The following SOS2 variants were observed in gnomAD, a reference collection of about 807,000 sequenced individuals.
SOS2 encodes son of sevenless homolog 2.
Under a neutral mutation model 148.2 loss-of-function variants are expected in SOS2, and 65 were observed. That is an observed-to-expected ratio of 0.44 (90% CI 0.36 to 0.54). The LOEUF (loss-of-function observed/expected upper bound fraction) is 0.54, where lower values mean the gene tolerates loss of function less well. SOS2 is among the 20% of genes least tolerant of loss of function. The probability of loss-of-function intolerance (pLI) is 0.00; values close to 1 mark genes in which losing one functional copy is unlikely to be tolerated. For missense variants in SOS2, 1,341 were observed against 1,590.2 expected (o/e 0.84, Z 2.67); for synonymous variants, 539 against 537.1 (o/e 1.00, Z -0.05).
At chr14:50,180,739 T>A in intron 6 of SOS2, 57 bp from the exon 7 acceptor site, 1 of 961,682 alleles carries the variant, frequency 1.0e-6, no homozygotes, top group Non-Finnish European at 1.6e-6. Context: ...TTTCTACCAA[T>A]ATGGTACAGA....
chr14:50,174,621 C>T lies in SOS2; in HGVS notation c.970-69G>A, dbSNP rs1395225992. ...AAGGATATGCAACAGCAGTGCCTAA[C>T]AGAAACGTCTACTAAAAATTTGAGA... On this transcript the variant is annotated intron_variant, in intron 7 of 22. Coordinates refer to ENST00000216373, the MANE Select transcript of SOS2 (RefSeq NM_006939.4). 29 of 810,850 alleles carry T rather than the reference C, an allele frequency of 3.6e-5. No individual in the cohort carries two copies. In the East Asian group the frequency reaches 7.3e-4, roughly 21 times the overall value. The allele number at this position is 810,850 out of a possible 1,614,324, so 50.2% of individuals were successfully genotyped here.
At chr14:50,211,323 A>G (rs1158114850) in intron 1 of SOS2, among the ~76,000 whole-genome samples, 2 of 152,120 alleles carry the variant, frequency 1.3e-5, no homozygotes, top group East Asian at 3.8e-4. Flanking sequence ...TGGCTATGAT[A>G]ATTTTCGTTT....
chr14:50,176,083 G>C (rs1383363751), intron 7 of SOS2, among the ~76,000 whole-genome samples: 2 of 152,304 alleles, frequency 1.3e-5, no homozygotes, highest in East Asian at 3.9e-4. Flanking sequence ...TTGGATATGA[G>C]GGCAGAGCCC....
At chr14:50,149,772 G>A (rs1884603683) in intron 14 of SOS2, among the ~76,000 whole-genome samples, 1 of 152,112 alleles carries the variant, frequency 6.6e-6, no homozygotes, top group African/African-American at 2.4e-5. Flanking sequence ...AGGGGTGGTG[G>A]ACTTGAAAAT....
intron 5 of SOS2, among the ~76,000 whole-genome samples, chr14:50,185,824 G>C (rs1394009064): frequency 6.6e-6 from 1 of 152,004 alleles, no homozygotes; most frequent in Non-Finnish European, 1.5e-5. Context: ...TTATATTCTA[G>C]GCACTCTTCT....
chr14:50,155,943 T>C (rs1884800088), intron 12 of SOS2: 1 of 152,164 alleles, frequency 6.6e-6, no homozygotes, highest in Non-Finnish European at 1.5e-5. Context: ...TCTCATCTTC[T>C]TATACAAAGA....
chr14:50,208,708 G>A (rs1486948702), intron 1 of SOS2, among the ~76,000 whole-genome samples: 1 of 152,094 alleles, frequency 6.6e-6, no homozygotes, highest in African/African-American at 2.4e-5. Context: ...AGTAAGACAA[G>A]ACACTGACAG....
At chr14:50,167,321 A>T (rs1885200450) in intron 8 of SOS2, among the ~76,000 whole-genome samples, 1 of 151,976 alleles carries the variant, frequency 6.6e-6, no homozygotes, top group Non-Finnish European at 1.5e-5. Context: ...ACACAAAAAG[A>T]ATGACAAAGC....
rs1319274502 is a variant in SOS2 at position 50,160,011 on chromosome 14, C to A, written c.1272G>T (p.Gln424His). 1 of 1,614,048 alleles carries A rather than the reference C, an allele frequency of 6.2e-7. No homozygotes were observed. Among genetic ancestry groups the A allele is most frequent in the Non-Finnish European group, 8.5e-7 (1 of 1,179,960 alleles). ...TGCCTTCCCATCCATCGATATTTTTCTGAATTTCATTCATTTTTTTGATAG... is the reference window on the plus strand; with the variant it reads ...TGCCTTCCCATCCATCGATATTTTTATGAATTTCATTCATTTTTTTGATAG... ...HLAIKKMNEI[Q>H]KNIDGWEGKD... The change falls in exon 10 of 23, where the codon CAG becomes CAT. Residue 424 changes from glutamine to histidine, a missense_variant. Gln to His is a conservative substitution (Grantham distance 24). Around this residue, in one of 4 missense-constraint regions of SOS2, gnomAD observed 574 missense variants for 711.1 expected, o/e 0.81. Transcript: ENST00000216373.
In SOS2 at chr14:50,120,257, T is replaced by C. The variant is rs1471249154; in HGVS notation, c.3489+18A>G. The C allele has an allele frequency of 2.6e-6, 3 of 1,136,092 alleles. No individual in the cohort carries two copies. The African/African-American group carries it at 4.6e-5, about 18-fold the overall frequency. 70.4% of individuals were successfully genotyped at this position (1,136,092 alleles called of 1,614,324 possible). Reference sequence around the variant, plus strand: ...ATTCACAACTTTGAATAAGTTGGAGTAAAGTCCTGTTGATTACCTTGGAAT... The same window carrying C: ...ATTCACAACTTTGAATAAGTTGGAGCAAAGTCCTGTTGATTACCTTGGAAT... On this transcript the variant is annotated intron_variant, in intron 22 of 22. Transcript: ENST00000216373.
chr14:50,209,519 C>A (rs1052212569), intron 1 of SOS2, among the ~76,000 whole-genome samples: 5 of 152,078 alleles, frequency 3.3e-5, no homozygotes, highest in Non-Finnish European at 7.4e-5. Flanking sequence ...GTAATCCCAG[C>A]ACTTTGGGAA....
chr14:50,208,518 G>A (rs1886751116), intron 1 of SOS2, among the ~76,000 whole-genome samples: 1 of 151,896 alleles, frequency 6.6e-6, no homozygotes, highest in Non-Finnish European at 1.5e-5. Flanking sequence ...TGTGGTGGCA[G>A]GTGCCTGTAG....
At chr14:50,174,978 T>C (rs931835773) in intron 7 of SOS2, among the ~76,000 whole-genome samples, 3 of 152,220 alleles carry the variant, frequency 2.0e-5, no homozygotes, top group Admixed American at 1.3e-4. Context: ...TTGAATAACT[T>C]TCAGATTTAG....
At chr14:50,135,071 CAA>C (rs746540364) in intron 18 of SOS2, among the ~76,000 whole-genome samples, 10 of 57,512 alleles carry the variant, frequency 1.7e-4, no homozygotes, top group Non-Finnish European at 2.4e-4. Context: ...GAGACTGTCT[CAA>C]AAAAAAAAAA....
At position 50,188,537 on chromosome 14, in the gene SOS2, C is replaced by T. The variant is rs780580623; in HGVS notation, c.674G>A (p.Arg225Gln). 1.1e-4 allele frequency: 180 copies of T among 1,600,092 alleles called. No homozygotes were observed. The highest frequency in any genetic ancestry group is 1.4e-4 in the Non-Finnish European group (167 of 1,176,858). The change falls in exon 5 of 23, where the codon CGA becomes CAA. Residue 225 changes from arginine (R) to glutamine (Q), a missense_variant. Arg to Gln is a conservative substitution (Grantham distance 43). Coordinates refer to ENST00000216373, the MANE Select transcript of SOS2 (RefSeq NM_006939.4). Reference sequence around the variant, plus strand: ...CTTTCTATCAGAAAGAAAGGCTTCTCGAAACACTTTTATGATCATATTTAA... The same window carrying T: ...CTTTCTATCAGAAAGAAAGGCTTCTTGAAACACTTTTATGATCATATTTAA... Reference protein sequence around the residue: ...RELNMIIKVFREAFLSDRKLF... With the variant: ...RELNMIIKVFQEAFLSDRKLF...
chr14:50,189,694 C>T (rs1011919245), intron 4 of SOS2, among the ~76,000 whole-genome samples: 27 of 152,144 alleles, frequency 1.8e-4, no homozygotes, highest in African/African-American at 5.5e-4. Flanking sequence ...ACTGCTATTA[C>T]GTTCATTTGC....
intron 1 of SOS2, among the ~76,000 whole-genome samples, chr14:50,222,349 T>G (rs570517867): frequency 3.9e-5 from 6 of 152,288 alleles, no homozygotes; most frequent in Admixed American, 2.0e-4. Context: ...ATCAAGTAGA[T>G]TCAGTGATGA....
chr14:50,231,113 C>A, intron 1 of SOS2, 84 bp downstream of exon 1: 1 of 822,096 alleles, frequency 1.2e-6, no homozygotes, highest in Non-Finnish European at 1.7e-6. Context: ...GGGACTCGAG[C>A]CCTGTGGGAG....
At chr14:50,208,109 A>C (rs183176986) in intron 1 of SOS2, among the ~76,000 whole-genome samples, 336 of 152,220 alleles carry the variant, frequency 2.2e-3, no homozygotes, top group Non-Finnish European at 4.1e-3. Flanking sequence ...CAGCCTGGCC[A>C]ACATGGTGAA....
Sources: allele counts gnomAD v4.1 joint callset (sites outside exome capture counted in the v4.1 genomes callset), GRCh38; gene constraint gnomAD v4.1.1; regional missense constraint gnomAD v4.1.1; transcripts MANE v1.5; gene names NCBI Gene and HGNC (gene_info 2026-07-23, HGNC 2026-07-21).